The following ZNF81 variants were observed in gnomAD, a reference collection of about 807,000 sequenced individuals.
ZNF81 encodes zinc finger protein 81 (HFZ20).
A neutral mutation model predicts 32.3 loss-of-function variants in ZNF81; 5 were observed. That is an observed-to-expected ratio of 0.15 (90% confidence interval 0.08 to 0.33). The LOEUF is 0.33. ZNF81 is among the 10% of genes least tolerant of loss of function. ZNF81 has a pLI of 1.00. For synonymous variants in ZNF81, 163 were observed against 166.8 expected (o/e 0.98, Z 0.17); for missense variants, 379 against 479.8 (o/e 0.79, Z 1.96).
At chrX:47,906,185 A>G (rs1461665825) in intron 4 of ZNF81, among the ~76,000 whole-genome samples, 1 of 76,138 alleles carries the variant, frequency 1.3e-5, no homozygotes, top group African/African-American at 4.6e-5. Context: ...CCTTCTTCCA[A>G]ATTTACATTA....
chrX:47,889,193 C>T (rs782130269), intron 3 of ZNF81, among the ~76,000 whole-genome samples: 1 of 112,049 alleles, frequency 8.9e-6, no homozygotes, highest in South Asian at 3.7e-4. Flanking sequence ...GTCTGGACAA[C>T]CGATTACTAA....
intron 1 of ZNF81, among the ~76,000 whole-genome samples, chrX:47,842,455 G>A (rs782391897): frequency 9.0e-6 from 1 of 111,100 alleles, no homozygotes; most frequent in East Asian, 2.8e-4. Context: ...TATATGGGAG[G>A]ATAAAGGAAA....
chrX:47,854,978 C>G (rs925942357), intron 2 of ZNF81, among the ~76,000 whole-genome samples: 2 of 109,338 alleles, frequency 1.8e-5, no homozygotes, highest in Admixed American at 9.8e-5. Flanking sequence ...GCCTATAATC[C>G]TAGCTACTCG....
At chrX:47,839,263 A>G (rs1322909992) in intron 1 of ZNF81, among the ~76,000 whole-genome samples, 3 of 111,981 alleles carry the variant, frequency 2.7e-5, no homozygotes, top group African/African-American at 6.5e-5. Flanking sequence ...TCCATTTGGA[A>G]GCTTTTTGAT....
At chrX:47,892,803 A>G (rs887821084) in intron 3 of ZNF81, among the ~76,000 whole-genome samples, 1 of 112,744 alleles carries the variant, frequency 8.9e-6, no homozygotes, top group African/African-American at 3.2e-5. Context: ...ACACATCCTC[A>G]TGGGTCATTC....
intron 4 of ZNF81, among the ~76,000 whole-genome samples, chrX:47,902,712 A>T (rs1204104567): frequency 8.9e-6 from 1 of 112,094 alleles, no homozygotes; most frequent in Non-Finnish European, 1.9e-5. Flanking sequence ...GTCAAAAAAG[A>T]TATCACAATG....
chrX:47,919,864 A>C lies in ZNF81; in HGVS notation c.*3232A>C, dbSNP rs1257783864. On this transcript the variant is annotated 3_prime_UTR_variant, in exon 5 of 5. Transcript: ENST00000338637. The stretch of plus-strand genomic sequence containing the variant: ...AGCCCATAATACCCTCTAACATATT[A>C]ATCATAGTTATTTTTAACTCCCTGT... The C allele has an allele frequency of 2.7e-5, 3 of 111,718 alleles. No homozygotes were observed. The highest frequency in any genetic ancestry group is 9.8e-5 in the African/African-American group (3 of 30,686). The allele number at this position is 111,718 out of a possible 1,213,427, so 9.2% of individuals were successfully genotyped here. A position where few individuals can be genotyped will look rare whatever the true frequency, so the allele number is the denominator to read the frequency against.
rs2058777424 is a variant in ZNF81 at position 47,921,660 on chromosome X, A to G, written c.*5028A>G. 1 of 111,403 alleles carries G rather than the reference A, an allele frequency of 9.0e-6. No homozygotes were observed. Among genetic ancestry groups the G allele is most frequent in the East Asian group, 2.8e-4 (1 of 3,547 alleles). The allele number at this position is 111,403 out of a possible 1,213,427, so 9.2% of individuals were successfully genotyped here. ...GATGTCATGTTCAAGATTGGTTACA[A>G]AAAGACTGTGGCTTCCATTTTGGGT... On this transcript the variant is annotated 3_prime_UTR_variant, in exon 5 of 5. Coordinates refer to ENST00000338637, the MANE Select transcript of ZNF81 (RefSeq NM_007137.5).
intron 2 of ZNF81, among the ~76,000 whole-genome samples, chrX:47,883,983 C>T (rs1603195336): frequency 9.0e-6 from 1 of 110,669 alleles, no homozygotes; most frequent in East Asian, 2.9e-4. Flanking sequence ...CGTGGTGGCT[C>T]ATGCCTGTAA....
At position 47,901,608 on chromosome X, in the gene ZNF81, A is replaced by G. The variant is rs782139736; in HGVS notation, c.277+5668A>G. ...CTACTAATATGGTGAATTTTTACTGATTTTTAGATGTCAAACTAAACTTAC... is the reference window on the plus strand; with the variant it reads ...CTACTAATATGGTGAATTTTTACTGGTTTTTAGATGTCAAACTAAACTTAC... On this transcript the variant is annotated intron_variant, in intron 4 of 4. Transcript: ENST00000338637. Among the ~76,000 whole-genome samples, 17 of 111,660 alleles carry G rather than the reference A, an allele frequency of 1.5e-4. No individual in the cohort carries two copies. The East Asian group carries it at 3.9e-3, about 26-fold the overall frequency.
At chrX:47,889,417 A>T (rs1221854170) in intron 3 of ZNF81, among the ~76,000 whole-genome samples, 1 of 112,406 alleles carries the variant, frequency 8.9e-6, no homozygotes, top group Non-Finnish European at 1.9e-5. Context: ...ATAGTTCAGA[A>T]GCTAGTAGGG....
At chrX:47,908,401 G>C (rs868947850) in intron 4 of ZNF81, among the ~76,000 whole-genome samples, 3 of 111,682 alleles carry the variant, frequency 2.7e-5, no homozygotes, top group South Asian at 3.7e-4. Context: ...ATGTTGATGA[G>C]TATTTAGAGC....
At chrX:47,886,603 T>C (rs1472040455) in intron 2 of ZNF81, among the ~76,000 whole-genome samples, 5 of 102,602 alleles carry the variant, frequency 4.9e-5, no homozygotes, top group Non-Finnish European at 8.0e-5. Flanking sequence ...CTCTCTCTCT[T>C]TTTTTTTTTT....
chrX:47,904,273 G>A (rs2058711320), intron 4 of ZNF81, among the ~76,000 whole-genome samples: 1 of 109,196 alleles, frequency 9.2e-6, no homozygotes, highest in East Asian at 2.9e-4. Context: ...GAGTGAACAG[G>A]CAACCTACAA....
Position 47,923,114 on chromosome X carries a change from C to T in ZNF81, c.*6482C>T, listed in dbSNP as rs782604743. Among the ~76,000 whole-genome samples, 7 of 111,747 alleles carry T rather than the reference C, an allele frequency of 6.3e-5. No homozygotes were observed. The highest frequency in any genetic ancestry group is 3.7e-4 in the South Asian group (1 of 2,686). On this transcript the variant is annotated 3_prime_UTR_variant, in exon 5 of 5. Transcript: ENST00000338637. ...GAGGTTCTGGGGATTAGGATTTCCA[C>T]GTATCTTTTTTGCAGGTACACAGTT...
At chrX:47,891,314 G>A (rs782505185) in intron 3 of ZNF81, among the ~76,000 whole-genome samples, 55 of 112,834 alleles carry the variant, frequency 4.9e-4, no homozygotes, top group African/African-American at 1.6e-3. Context: ...ACTTGGTGAC[G>A]TTTACAGTAA....
intron 2 of ZNF81, among the ~76,000 whole-genome samples, chrX:47,878,690 A>C (rs1476300531): frequency 1.8e-5 from 2 of 112,546 alleles, no homozygotes; most frequent in African/African-American, 6.5e-5. Context: ...TTGACCATAC[A>C]ATTTAGTCAA....
chrX:47,896,064 T>C, intron 4 of ZNF81, 124 bp downstream of exon 4: 2 of 514,256 alleles, frequency 3.9e-6, no homozygotes, highest in Non-Finnish European at 6.5e-6. Context: ...TGCTTGAGGA[T>C]AGGTAGCATT....
At chrX:47,886,618 G>A (rs1189213186) in intron 2 of ZNF81, among the ~76,000 whole-genome samples, 1 of 43,035 alleles carries the variant, frequency 2.3e-5, no homozygotes, top group Non-Finnish European at 4.2e-5. Flanking sequence ...TTTTTTTTTT[G>A]AGACAGGGTC....
Sources: allele counts gnomAD v4.1 joint callset (sites outside exome capture counted in the v4.1 genomes callset), GRCh38; gene constraint gnomAD v4.1.1; transcripts MANE v1.5; gene names NCBI Gene and HGNC (gene_info 2026-07-23, HGNC 2026-07-21).